Variants in RPS19 observed in about 807,000 individuals in gnomAD.
The protein encoded by RPS19 is ribosomal protein S19.
RPS19 carries 1 observed loss-of-function variant against 20.3 expected under a neutral mutation model. The ratio of observed to expected loss-of-function variants is 0.05; its 90% CI spans 0.02 to 0.23. The LOEUF is 0.23. Ranked by LOEUF, RPS19 falls within the 10% of genes least tolerant of loss-of-function variation. RPS19 has a pLI of 1.00. For synonymous variants in RPS19, 87 were observed against 74.8 expected, an observed-to-expected ratio of 1.16 and a Z score of -0.84; for missense variants, 111 against 192.7, an observed-to-expected ratio of 0.58 and a Z score of 2.51.
intron 3 of RPS19, among the ~76,000 whole-genome samples, chr19:41,865,095 A>G (rs1055017793): frequency 6.6e-6 from 1 of 152,208 alleles, no homozygotes; most frequent in Non-Finnish European, 1.5e-5. Flanking sequence ...GAAAAATTTA[A>G]GCCTCCATTG....
chr19:41,860,919 G>A (rs2074022624), intron 2 of RPS19, 74 bp downstream of exon 2: 1 of 1,381,202 alleles, frequency 7.2e-7, no homozygotes, highest in African/African-American at 1.5e-5. Context: ...CCCAGTGTTT[G>A]CCGGTCCCTG....
intron 3 of RPS19, chr19:41,861,630 A>T (rs941945597): frequency 4.1e-5 from 12 of 296,102 alleles, no homozygotes; most frequent in Non-Finnish European, 7.9e-5. Flanking sequence ...CCAGTACTAG[A>T]GTATTGCAAG....
intron 1 of RPS19, 60 bp from the exon 2 acceptor site, chr19:41,860,715 C>T: frequency 6.5e-6 from 8 of 1,238,078 alleles, no homozygotes; most frequent in South Asian, 2.4e-5. Context: ...GGGTGGGGTC[C>T]GTGCTCTTGG....
chr19:41,868,498 G>A (rs925306000), intron 3 of RPS19, among the ~76,000 whole-genome samples: 10 of 152,280 alleles, frequency 6.6e-5, no homozygotes, highest in Non-Finnish European at 1.2e-4. Context: ...TGGATTTTAC[G>A]GAGCTTTTTT....
At chr19:41,866,527 T>TGGCGTA (rs1364276692) in intron 3 of RPS19, among the ~76,000 whole-genome samples, 9 of 152,120 alleles carry the variant, frequency 5.9e-5, no homozygotes, top group Non-Finnish European at 7.4e-5. Context: ...TACCAGGCAG[T>TGGCGTA]GGCGTAGGGG....
intron 4 of RPS19, 101 bp downstream of exon 4, chr19:41,869,315 C>A: frequency 8.9e-7 from 1 of 1,120,220 alleles, no homozygotes; most frequent in East Asian, 2.6e-5. Context: ...CCCCTCAGGC[C>A]CCTCCTATCA....
At chr19:41,868,944 A>G in intron 3 of RPS19, 87 bp from the exon 4 acceptor site, 1 of 1,344,758 alleles carries the variant, frequency 7.4e-7, no homozygotes, top group Non-Finnish European at 1.1e-6. Flanking sequence ...CTTATAAAAC[A>G]GTGAGAATTA....
At chr19:41,869,646 T>A in intron 4 of RPS19, 53 bp from the exon 5 acceptor site, 1 of 1,594,868 alleles carries the variant, frequency 6.3e-7, no homozygotes, top group Non-Finnish European at 8.6e-7. Context: ...GGGAAGGGGC[T>A]GAGAACAGGA....
chr19:41,861,411 G>A (rs2074030917), intron 3 of RPS19, 199 bp downstream of exon 3: 2 of 602,544 alleles, frequency 3.3e-6, no homozygotes, highest in Admixed American at 2.7e-5. Context: ...AGCTTTGTGA[G>A]AGGAGGACCT....
At chr19:41,865,413 C>T (rs1555840219) in intron 3 of RPS19, among the ~76,000 whole-genome samples, 1 of 151,008 alleles carries the variant, frequency 6.6e-6, no homozygotes, top group African/African-American at 2.4e-5. Flanking sequence ...TTGTTCTCTA[C>T]CAGTCACTGT....
Position 41,872,602 on chromosome 19 carries a change from G to A in RPS19, c.*1225G>A, listed in dbSNP as rs1439691786. The A allele has an allele frequency of 6.6e-6, 1 of 152,272 alleles. No individual in the cohort carries two copies. The highest frequency in any genetic ancestry group is 1.5e-5 in the Non-Finnish European group (1 of 68,078). 9.4% of individuals were successfully genotyped at this position (152,272 alleles called of 1,614,324 possible). Reference sequence around the variant, plus strand: ...CAGTCCCCAAACGTAAGGCGTAAGAGTTTAAGAAGTATCGGCCAGGCACAG... The same window carrying A: ...CAGTCCCCAAACGTAAGGCGTAAGAATTTAAGAAGTATCGGCCAGGCACAG... On this transcript the variant is annotated 3_prime_UTR_variant, in exon 6 of 6. Coordinates refer to ENST00000598742, the MANE Select transcript of RPS19 (RefSeq NM_001022.4).
chr19:41,870,769 C>T (rs1247543282), intron 5 of RPS19, among the ~76,000 whole-genome samples: 1 of 150,186 alleles, frequency 6.7e-6, no homozygotes, highest in Non-Finnish European at 1.5e-5. Flanking sequence ...GCTTGGCGCA[C>T]ACATCATTGC....
Position 41,871,448 on chromosome 19 carries a change from G to C in RPS19, c.*71G>C. 7.1e-7 allele frequency: 1 copy of C among 1,399,660 alleles called. No individual in the cohort carries two copies. The highest frequency in any genetic ancestry group is 1.0e-6 in the Non-Finnish European group (1 of 987,570). 86.7% of individuals were successfully genotyped at this position (1,399,660 alleles called of 1,614,324 possible). ...TCTGGGTCTCTTTTTTGAGTCTCTT[G>C]CTCTGTCGCCCAGGCTGGAGTGCAG... On this transcript the variant is annotated 3_prime_UTR_variant, in exon 6 of 6. Coordinates refer to ENST00000598742, the MANE Select transcript of RPS19 (RefSeq NM_001022.4).
rs35987051 is a variant in RPS19 at position 41,870,849 on chromosome 19, C to CTTTTT, written c.412-475_412-471dup. Among the ~76,000 whole-genome samples the CTTTTT allele has an allele frequency of 3.9e-3, 173 of 44,014 alleles. 14 individuals are homozygous for CTTTTT. Among genetic ancestry groups the CTTTTT allele is most frequent in the East Asian group, 0.012 (19 of 1,538 alleles). The allele number at this position is 44,014 out of a possible 152,430, so 28.9% of individuals were successfully genotyped here. ...TGGACTCCACTCCGCCACTCCCTTC[C>CTTTTT]TTTTTTTTTTTTTTTTTTTTTTTTT... On this transcript the variant is annotated intron_variant, in intron 5 of 5. Transcript: ENST00000598742.
intron 4 of RPS19, 90 bp from the exon 5 acceptor site, chr19:41,869,609 T>C (rs2075750): frequency 0.5 from 734,761 of 1,460,462 alleles, 188,088 homozygotes; most frequent in Middle Eastern, 0.7. Context: ...CAGGTGGCTT[T>C]TTGAGAAGCC....
At chr19:41,871,264 C>T (rs1287277603) in intron 5 of RPS19, 87 bp from the exon 6 acceptor site, 4 of 1,172,430 alleles carry the variant, frequency 3.4e-6, no homozygotes, top group African/African-American at 3.0e-5. Flanking sequence ...GGGGTGCCCA[C>T]CTGTGGTGGG....
At position 41,871,995 on chromosome 19, in the gene RPS19, C is replaced by T. The variant is rs1451778324; in HGVS notation, c.*618C>T. ...AACTTTCCTGGGCCTGGGGCCTGCACAGGCTGAATGGTCCTTGAGCCTTCA... is the reference window on the plus strand; with the variant it reads ...AACTTTCCTGGGCCTGGGGCCTGCATAGGCTGAATGGTCCTTGAGCCTTCA... On this transcript the variant is annotated 3_prime_UTR_variant, in exon 6 of 6. Coordinates refer to ENST00000598742, the MANE Select transcript of RPS19 (RefSeq NM_001022.4). 1 of 155,702 alleles carries T rather than the reference C, an allele frequency of 6.4e-6. No individual in the cohort carries two copies. Among genetic ancestry groups the T allele is most frequent in the Non-Finnish European group, 1.4e-5 (1 of 70,162 alleles). 9.6% of individuals were successfully genotyped at this position (155,702 alleles called of 1,614,324 possible).
At chr19:41,867,076 G>C (rs540652913) in intron 3 of RPS19, among the ~76,000 whole-genome samples, 1 of 151,894 alleles carries the variant, frequency 6.6e-6, no homozygotes, top group East Asian at 1.9e-4. Context: ...CCAGCACTTT[G>C]GGAGGCCAAG....
chr19:41,863,549 A>T (rs7250787), intron 3 of RPS19, among the ~76,000 whole-genome samples: 69,535 of 152,010 alleles, frequency 0.46, 16,760 homozygotes, highest in Middle Eastern at 0.69. Context: ...GTGCTAAAGC[A>T]GCGCCCTTGC....
Sources: allele counts gnomAD v4.1 joint callset (sites outside exome capture counted in the v4.1 genomes callset), GRCh38; gene constraint gnomAD v4.1.1; transcripts MANE v1.5; gene names NCBI Gene and HGNC (gene_info 2026-07-23, HGNC 2026-07-21).